Variants in METTL15 observed in about 807,000 individuals in gnomAD.
The protein encoded by METTL15 is methyltransferase 15, mitochondrial 12S rRNA N4-cytidine, also known as 12S rRNA N(4)-cytidine methyltransferase METTL15.
METTL15 carries 34 observed loss-of-function variants against 38.3 expected under a neutral mutation model. The ratio of observed to expected loss-of-function variants is 0.89; its 90% CI spans 0.68 to 1.18. The LOEUF is 1.18. METTL15 is among the 50% of genes most tolerant of loss of function. The probability of loss-of-function intolerance (pLI) is 0.00; values close to 1 mark genes in which losing one functional copy is unlikely to be tolerated. For synonymous variants in METTL15, 162 were observed against 170.9 expected, an observed-to-expected ratio of 0.95 and a Z score of 0.41; for missense variants, 438 against 498.4, an observed-to-expected ratio of 0.88 and a Z score of 1.15.
In METTL15 at chr11:28,200,647, A is replaced by G. The variant is rs148961398; in HGVS notation, c.271-10415A>G. On this transcript the variant is annotated intron_variant, in intron 3 of 6. Coordinates refer to ENST00000407364, the MANE Select transcript of METTL15 (RefSeq NM_001113528.2). ...AAAAATTATTTTTATCTGTATTCCT[A>G]GGTATTTTATTCTCTTTGTAGTGAC... Among the ~76,000 whole-genome samples the G allele has an allele frequency of 1.5e-3, 230 of 152,026 alleles. 1 individual carries two copies. The highest frequency in any genetic ancestry group is 5.2e-3 in the African/African-American group (217 of 41,476).
chr11:28,148,577 A>G (rs1201702426), intron 3 of METTL15, among the ~76,000 whole-genome samples: 1 of 151,884 alleles, frequency 6.6e-6, no homozygotes, highest in African/African-American at 2.4e-5. Context: ...CCATTTTTAT[A>G]ATTTTGCTTC....
rs559438881 is a variant in METTL15, at chr11:28,505,616, C to T, written c.*425-20862C>T. 4.6e-5 allele frequency among the ~76,000 whole-genome samples: 7 copies of T among 152,284 alleles called. No homozygotes were observed. In the East Asian group the frequency reaches 1.3e-3, roughly 29 times the overall value. On this transcript the variant is annotated intron_variant and NMD_transcript_variant, in intron 6 of 7. Coordinates refer to the METTL15 transcript ENST00000532947. ...TTTGGTAATTGTTTGTGTATGTGTG[C>T]ATATGTATTATATCATTTCTTAATA... is the stretch of plus-strand genomic sequence containing the variant.
chr11:28,124,257 A>G (rs984890543), intron 3 of METTL15, among the ~76,000 whole-genome samples: 2 of 152,142 alleles, frequency 1.3e-5, no homozygotes, highest in African/African-American at 2.4e-5. Flanking sequence ...AGAGCTTGTT[A>G]TCAGGCCCCT....
intron 4 of METTL15, among the ~76,000 whole-genome samples, chr11:28,242,100 A>G (rs1342407876): frequency 1.3e-5 from 2 of 152,242 alleles, no homozygotes; most frequent in African/African-American, 4.8e-5. Context: ...TCTCTGTTTA[A>G]GATTAGAATA....
At chr11:28,299,929 G>T (rs914489975) in intron 6 of METTL15, among the ~76,000 whole-genome samples, 3 of 151,942 alleles carry the variant, frequency 2.0e-5, no homozygotes, top group Admixed American at 1.3e-4. Context: ...ATAGTCACTT[G>T]GCATTCTCCC....
Position 28,162,022 on chromosome 11 carries a change from G to A in METTL15, c.270+48418G>A, listed in dbSNP as rs148856497. ...CATTTGTTGATGTTTATTATATACC[G>A]GGCACTGTTCCTCTTTTTGACTTAT... On this transcript the variant is annotated intron_variant, in intron 3 of 6. Transcript: ENST00000407364. Among the ~76,000 whole-genome samples the A allele has an allele frequency of 9.1e-4, 138 of 152,034 alleles. 1 individual carries two copies. The highest frequency in any genetic ancestry group is 3.4e-3 in the Middle Eastern group (1 of 294).
At chr11:28,266,997 T>A (rs1214222178) in intron 4 of METTL15, among the ~76,000 whole-genome samples, 1 of 151,686 alleles carries the variant, frequency 6.6e-6, no homozygotes, top group Non-Finnish European at 1.5e-5. Flanking sequence ...CCATCTCTAC[T>A]AAAAATACAA....
chr11:28,312,235 T>C (rs186923057), intron 6 of METTL15, among the ~76,000 whole-genome samples: 7 of 152,350 alleles, frequency 4.6e-5, no homozygotes, highest in African/African-American at 1.2e-4. Flanking sequence ...ATTTAAGTTA[T>C]GATTGTTGAA....
intron 5 of METTL15, among the ~76,000 whole-genome samples, chr11:28,363,138 G>T (rs1245680682): frequency 6.6e-6 from 1 of 151,602 alleles, no homozygotes; most frequent in East Asian, 1.9e-4. Context: ...TGTGTTGTTG[G>T]CCACTTGTAT....
Position 28,505,172 on chromosome 11 carries a change from G to A in METTL15, c.*425-21306G>A, listed in dbSNP as rs1851618098. On this transcript the variant is annotated intron_variant and NMD_transcript_variant, in intron 6 of 7. Transcript: ENST00000532947. ...GAACTGGGAAAAAGTGTAACTCGGT[G>A]TGTATGTGTGTATGTGTGTTTTTTT... Among the ~76,000 whole-genome samples the A allele has an allele frequency of 1.3e-5, 2 of 152,136 alleles. 1 individual carries two copies. Among genetic ancestry groups the A allele is most frequent in the South Asian group, 4.1e-4 (2 of 4,830 alleles).
intron 4 of METTL15, among the ~76,000 whole-genome samples, chr11:28,355,611 G>A (rs1850084013): frequency 6.6e-6 from 1 of 152,120 alleles, no homozygotes; most frequent in Non-Finnish European, 1.5e-5. Context: ...AGTATAACAA[G>A]TATTTCCGTA....
Position 28,330,594 on chromosome 11 carries a change from A to T in METTL15, c.977A>T (p.Asp326Val). The T allele has an allele frequency of 1.3e-6, 2 of 1,551,522 alleles. No homozygotes were observed. Among genetic ancestry groups the T allele is most frequent in the Non-Finnish European group, 1.7e-6 (2 of 1,146,844 alleles). ...LVALSFHSLE[D>V]RIVKRFLLGI... ...GCCCTCTCCTTCCATTCACTAGAGGATCGCATCGTCAAAAGATTTTTGCTT... is the reference window on the plus strand; with the variant it reads ...GCCCTCTCCTTCCATTCACTAGAGGTTCGCATCGTCAAAAGATTTTTGCTT... The change falls in exon 7 of 7, where the codon GAT becomes GTT. Residue 326 changes from aspartate (D) to valine (V), a missense_variant. Physicochemically the swap from Asp to Val is radical, Grantham distance 152 (BLOSUM62 -3). Coordinates refer to ENST00000407364, the MANE Select transcript of METTL15 (RefSeq NM_001113528.2).
At chr11:28,261,473 G>C (rs905690580) in intron 4 of METTL15, 2 of 155,906 alleles carry the variant, frequency 1.3e-5, no homozygotes, top group Non-Finnish European at 2.9e-5. Flanking sequence ...ATCAACTCTG[G>C]TGATCAATGG....
downstream of METTL15, among the ~76,000 whole-genome samples, chr11:28,333,849 A>G (rs1849875423): frequency 6.6e-6 from 1 of 151,864 alleles, no homozygotes; most frequent in East Asian, 1.9e-4. Flanking sequence ...GATTTTTTAA[A>G]TGAACTAATA....
intron 5 of METTL15, among the ~76,000 whole-genome samples, chr11:28,423,751 CA>C (rs1302092660): frequency 1.3e-5 from 2 of 151,288 alleles, no homozygotes; most frequent in East Asian, 1.9e-4. Context: ...TTAAAGGGGC[CA>C]AAAAAATAGT....
Position 28,443,789 on chromosome 11 carries a change from G to T in METTL15, c.*424+19425G>T, listed in dbSNP as rs1043894939. Among the ~76,000 whole-genome samples, 2 of 152,174 alleles carry T rather than the reference G, an allele frequency of 1.3e-5. 1 individual carries two copies. The highest frequency in any genetic ancestry group is 4.8e-5 in the African/African-American group (2 of 41,416). ...ATGTAGAGAATCTGACAGATTCTTA[G>T]TGATGCCCATGCTAACGTTTGAATC... is the stretch of plus-strand genomic sequence containing the variant. On this transcript the variant is annotated intron_variant and NMD_transcript_variant, in intron 6 of 7. Coordinates refer to the METTL15 transcript ENST00000532947.
intron 5 of METTL15, among the ~76,000 whole-genome samples, chr11:28,393,816 A>T (rs1265427501): frequency 6.6e-6 from 1 of 152,112 alleles, no homozygotes; most frequent in Admixed American, 6.6e-5. Flanking sequence ...ACACCAGAAG[A>T]TGAAGACCAT....
At chr11:28,217,254 C>T (rs1330008405) in intron 4 of METTL15, among the ~76,000 whole-genome samples, 2 of 151,930 alleles carry the variant, frequency 1.3e-5, no homozygotes, top group African/African-American at 4.8e-5. Context: ...GATCGCCATT[C>T]TAACTGGTGT....
At chr11:28,140,434 T>C (rs556304737) in intron 3 of METTL15, among the ~76,000 whole-genome samples, 2 of 152,316 alleles carry the variant, frequency 1.3e-5, no homozygotes, top group Admixed American at 1.3e-4. Context: ...TTCATTCTTA[T>C]CTGGCTCACC....
Sources: gnomAD v4.1 joint callset for allele counts (sites outside exome capture counted in the v4.1 genomes callset) on GRCh38, gnomAD v4.1.1 for gene constraint, MANE v1.5 for transcripts, NCBI Gene and HGNC (gene_info 2026-07-23, HGNC 2026-07-21) for gene names.